Variants in PTPRD observed in about 807,000 individuals in gnomAD.
PTPRD encodes receptor-type tyrosine-protein phosphatase delta.
In PTPRD, 34 loss-of-function variants were observed where a neutral mutation model predicts 214.5. That is an observed-to-expected ratio of 0.16 (90% confidence interval 0.12 to 0.21). The LOEUF is 0.21. Ranked by LOEUF, PTPRD falls within the 10% of genes least tolerant of loss-of-function variation. The pLI, the probability that PTPRD is intolerant of heterozygous loss-of-function variation, is 1.00. For missense variants in PTPRD, 2,545 were observed against 2,398.7 expected (o/e 1.06, Z -1.27); for synonymous variants, 1,128 against 845.7 (o/e 1.33, Z -5.79).
intron 5 of PTPRD, among the ~76,000 whole-genome samples, chr9:9,775,870 G>A (rs1035877143): frequency 3.4e-5 from 5 of 147,700 alleles, no homozygotes; most frequent in African/African-American, 1.2e-4. Context: ...GCAGGAGAAT[G>A]GTGTGAACCA....
At chr9:8,805,259 T>A (rs944528366) in intron 11 of PTPRD, among the ~76,000 whole-genome samples, 1 of 152,162 alleles carries the variant, frequency 6.6e-6, no homozygotes, top group Non-Finnish European at 1.5e-5. Flanking sequence ...TTCCAAAAAT[T>A]TGAGTAGCTC....
At chr9:8,331,046 T>TAGAAACTATTGAAAATA (rs1359057430) in intron 44 of PTPRD, among the ~76,000 whole-genome samples, 2 of 146,708 alleles carry the variant, frequency 1.4e-5, no homozygotes, top group Non-Finnish European at 3.0e-5. Flanking sequence ...TAAAATGCTC[T>TAGAAACTATTGAAAATA]AGAAACTATT....
intron 3 of PTPRD, among the ~76,000 whole-genome samples, chr9:10,263,984 G>T (rs1191063695): frequency 6.6e-6 from 1 of 152,192 alleles, no homozygotes; most frequent in Non-Finnish European, 1.5e-5. Context: ...CATGGCTTCA[G>T]AGGGTGCAAG....
intron 3 of PTPRD, among the ~76,000 whole-genome samples, chr9:10,096,638 AG>A (rs1166960632): frequency 2.0e-5 from 3 of 152,016 alleles, no homozygotes; most frequent in African/African-American, 7.2e-5. Context: ...TCTGGATATT[AG>A]CCCTTTGTCA....
intron 3 of PTPRD, among the ~76,000 whole-genome samples, chr9:10,071,227 C>G (rs1480328632): frequency 6.6e-6 from 1 of 151,936 alleles, no homozygotes; most frequent in African/African-American, 2.4e-5. Flanking sequence ...AATTTTCATT[C>G]AAATCCAAGC....
chr9:9,058,477 G>A (rs533954565), intron 10 of PTPRD, among the ~76,000 whole-genome samples: 1 of 27,112 alleles, frequency 3.7e-5, no homozygotes, highest in Non-Finnish European at 1.6e-4. Flanking sequence ...TTGAGACGGA[G>A]TCTCGCTGTC....
intron 2 of PTPRD, among the ~76,000 whole-genome samples, chr9:10,368,437 A>G (rs1054789849): frequency 6.6e-6 from 1 of 152,132 alleles, no homozygotes; most frequent in East Asian, 1.9e-4. Flanking sequence ...GAAATAGTAC[A>G]TGATGGATAG....
chr9:9,109,281 T>A (rs970570751), intron 10 of PTPRD, among the ~76,000 whole-genome samples: 1 of 152,134 alleles, frequency 6.6e-6, no homozygotes, highest in South Asian at 2.1e-4. Flanking sequence ...AAATGTAGCA[T>A]CTGTGCATTT....
chr9:10,465,109 G>A (rs546986392), intron 2 of PTPRD, among the ~76,000 whole-genome samples: 1 of 152,078 alleles, frequency 6.6e-6, no homozygotes, highest in Non-Finnish European at 1.5e-5. Context: ...TGCCTTGGAA[G>A]GTATCAGATT....
At chr9:9,743,770 A>AC (rs371763537) in intron 6 of PTPRD, among the ~76,000 whole-genome samples, 64,868 of 145,112 alleles carry the variant, frequency 0.45, 16,164 homozygotes, top group African/African-American at 0.71. Context: ...ACACACACAC[A>AC]ATTTATACTG....
chr9:10,292,328 G>C (rs1249641827), intron 3 of PTPRD, among the ~76,000 whole-genome samples: 2 of 151,930 alleles, frequency 1.3e-5, no homozygotes, highest in Non-Finnish European at 2.9e-5. Context: ...CACTATCCTA[G>C]TCCAAACCAC....
At chr9:10,433,877 C>T (rs1024702063) in intron 2 of PTPRD, among the ~76,000 whole-genome samples, 1 of 151,630 alleles carries the variant, frequency 6.6e-6, no homozygotes, top group African/African-American at 2.4e-5. Context: ...TTTAGTCTCA[C>T]AATTGATCAG....
chr9:10,097,119 C>G (rs558706620), intron 3 of PTPRD, among the ~76,000 whole-genome samples: 1 of 148,528 alleles, frequency 6.7e-6, no homozygotes, highest in African/African-American at 2.4e-5. Flanking sequence ...GTACCAGTAC[C>G]ATGCTGTTTT....
chr9:9,475,460 A>T (rs2094956171), intron 8 of PTPRD, among the ~76,000 whole-genome samples: 1 of 152,200 alleles, frequency 6.6e-6, no homozygotes, highest in Non-Finnish European at 1.5e-5. Flanking sequence ...ATCGAACCTA[A>T]AAAAGATGAA....
intron 36 of PTPRD, among the ~76,000 whole-genome samples, chr9:8,400,797 T>C (rs2092264691): frequency 6.6e-6 from 1 of 152,208 alleles, no homozygotes. Flanking sequence ...TGAATACCTA[T>C]ATATCTAGTA....
chr9:10,053,560 C>A (rs1319699214), intron 3 of PTPRD, among the ~76,000 whole-genome samples: 4 of 152,076 alleles, frequency 2.6e-5, no homozygotes, highest in Non-Finnish European at 5.9e-5. Flanking sequence ...GATAATGAAT[C>A]CCATCAAGAA....
chr9:10,398,634 G>T (rs533738122), intron 2 of PTPRD, among the ~76,000 whole-genome samples: 1 of 151,892 alleles, frequency 6.6e-6, no homozygotes, highest in Non-Finnish European at 1.5e-5. Context: ...TTATAATTCA[G>T]TGTAAAAATA....
chr9:10,543,475 T>TAAACACAC (rs201493444), intron 2 of PTPRD, among the ~76,000 whole-genome samples: 3 of 104,262 alleles, frequency 2.9e-5, no homozygotes, highest in African/African-American at 6.4e-5. Context: ...TTAATATATA[T>TAAACACAC]ATATACACAC....
chr9:8,980,113 T>C (rs1028640737), intron 11 of PTPRD, among the ~76,000 whole-genome samples: 1 of 151,826 alleles, frequency 6.6e-6, no homozygotes, highest in Non-Finnish European at 1.5e-5. Context: ...TTGCATTAAG[T>C]GAAATAAGCC....
Sources: gnomAD v4.1 joint callset for allele counts (sites outside exome capture counted in the v4.1 genomes callset) on GRCh38, gnomAD v4.1.1 for gene constraint, MANE v1.5 for transcripts, NCBI Gene and HGNC (gene_info 2026-07-23, HGNC 2026-07-21) for gene names.